DNAJB6: variants seen among roughly 807,000 people sequenced by gnomAD.
DNAJB6 encodes dnaJ homolog subfamily B member 6.
A neutral mutation model predicts 42.7 loss-of-function variants in DNAJB6; 16 were observed. The ratio of observed to expected loss-of-function variants is 0.37; its 90% CI spans 0.25 to 0.57. The LOEUF (loss-of-function observed/expected upper bound fraction) is 0.57, where lower values mean the gene tolerates loss of function less well. Ranked by LOEUF, DNAJB6 falls within the 20% of genes least tolerant of loss-of-function variation. DNAJB6 has a pLI of 0.74. For missense variants in DNAJB6, 347 were observed against 416.8 expected (o/e 0.83, Z 1.46); for synonymous variants, 170 against 163.5 (o/e 1.04, Z -0.30).
intron 5 of DNAJB6, chr7:157,380,593 G>A (rs1484102785): frequency 6.6e-6 from 1 of 152,444 alleles, no homozygotes; most frequent in Non-Finnish European, 1.5e-5. Context: ...CCTCCTCTAG[G>A]TCTCCACCTC....
chr7:157,340,074 G>A (rs1295819710), intron 1 of DNAJB6: 4 of 152,226 alleles, frequency 2.6e-5, no homozygotes, highest in Non-Finnish European at 5.9e-5. Context: ...TTCTATATTG[G>A]TTAATGCTTA....
chr7:157,364,063 C>T (rs1286193097), intron 3 of DNAJB6, among the ~76,000 whole-genome samples: 2 of 151,858 alleles, frequency 1.3e-5, no homozygotes, highest in African/African-American at 2.4e-5. Context: ...AGTGTATCTG[C>T]ATGTGGTCAG....
intron 8 of DNAJB6, among the ~76,000 whole-genome samples, chr7:157,397,117 C>T (rs781741609): frequency 3.1e-4 from 47 of 152,308 alleles, no homozygotes; most frequent in African/African-American, 1.0e-3. Flanking sequence ...GATGCTGTGC[C>T]GTGGCTGCCC....
Position 157,385,964 on chromosome 7 carries a change from G to T in DNAJB6, c.691+353G>T, listed in dbSNP as rs1801036718. On this transcript the variant is annotated intron_variant, in intron 8 of 9. Coordinates refer to ENST00000262177, the MANE Select transcript of DNAJB6 (RefSeq NM_058246.4). The stretch of plus-strand genomic sequence containing the variant: ...CAAGATTGTACACTAACACCAGCAT[G>T]GACCTGCTTTTCATTGTGTCTGAAA... 5 of 895,526 alleles carry T rather than the reference G, an allele frequency of 5.6e-6. No homozygotes were observed. The South Asian group carries it at 2.4e-4, about 42-fold the overall frequency. The allele number at this position is 895,526 out of a possible 1,614,324, so 55.5% of individuals were successfully genotyped here.
At chr7:157,367,526 CA>C (rs749671540) in intron 5 of DNAJB6, 43 bp downstream of exon 5, 8 of 1,147,744 alleles carry the variant, frequency 7.0e-6, no homozygotes, top group Non-Finnish European at 9.3e-6. Flanking sequence ...GTCCATGACC[CA>C]AATGAGGGCT....
rs184377578 is a variant in DNAJB6 at position 157,370,549 on chromosome 7, A to G, written c.346+3066A>G. Among the ~76,000 whole-genome samples, 163 of 152,356 alleles carry G rather than the reference A, an allele frequency of 1.1e-3. 2 individuals carry two copies. In the South Asian group the frequency reaches 0.017, roughly 16 times the overall value. On this transcript the variant is annotated intron_variant, in intron 5 of 9. Transcript: ENST00000262177. The stretch of plus-strand genomic sequence containing the variant: ...GGAAAATAATCTGATACACCAAGCC[A>G]TAGAGCAATTACTTGTAAAGAAGGT...
At chr7:157,343,135 A>G (rs917857561) in intron 1 of DNAJB6, among the ~76,000 whole-genome samples, 5 of 150,592 alleles carry the variant, frequency 3.3e-5, no homozygotes, top group African/African-American at 1.2e-4. Flanking sequence ...AGCTGGGATT[A>G]CAGATGTGCA....
chr7:157,367,294 T>A (rs931460648), intron 4 of DNAJB6, 79 bp from the exon 5 acceptor site: 1 of 949,858 alleles, frequency 1.1e-6, no homozygotes, highest in African/African-American at 1.6e-5. Flanking sequence ...ATGATTTGTA[T>A]AATGTTTTGT....
chr7:157,399,772 A>G (rs1801762299), intron 8 of DNAJB6, among the ~76,000 whole-genome samples: 2 of 152,042 alleles, frequency 1.3e-5, no homozygotes, highest in Admixed American at 6.5e-5. Context: ...GGGTTCAAGC[A>G]ATTCTCCTGC....
At chr7:157,378,884 TA>T (rs1346714338) in intron 5 of DNAJB6, 2 of 152,218 alleles carry the variant, frequency 1.3e-5, no homozygotes, top group East Asian at 3.8e-4. Flanking sequence ...AACTGGTCTT[TA>T]AATATTATAA....
chr7:157,407,955 CTG>C (rs1036133411), intron 8 of DNAJB6, among the ~76,000 whole-genome samples: 1 of 152,126 alleles, frequency 6.6e-6, no homozygotes, highest in African/African-American at 2.4e-5. Flanking sequence ...TCAGGAAGTG[CTG>C]TGTGTGCATG....
chr7:157,346,790 C>A (rs1175415678), intron 1 of DNAJB6, among the ~76,000 whole-genome samples: 2 of 152,356 alleles, frequency 1.3e-5, no homozygotes, highest in South Asian at 2.1e-4. Flanking sequence ...ATCAGCACTT[C>A]AGCCAGCTCT....
intron 8 of DNAJB6, among the ~76,000 whole-genome samples, chr7:157,404,293 TTC>T (rs1491056289): frequency 6.7e-6 from 1 of 149,034 alleles, no homozygotes; most frequent in Non-Finnish European, 1.5e-5. Context: ...AGTTTTTTTT[TTC>T]TTTTTCTTTT....
chr7:157,363,309 A>G, intron 3 of DNAJB6, 39 bp downstream of exon 3: 1 of 1,409,454 alleles, frequency 7.1e-7, no homozygotes. Flanking sequence ...CTGAGCGGGC[A>G]TGCCGGAATG....
intron 1 of DNAJB6, among the ~76,000 whole-genome samples, chr7:157,340,525 A>G (rs1055118297): frequency 6.7e-6 from 1 of 148,432 alleles, no homozygotes; most frequent in Non-Finnish European, 1.5e-5. Context: ...GTCAACTAGT[A>G]AAAATGTGAT....
At chr7:157,369,742 CAGGCCCCTTCTTAACATT>C (rs1800044200) in intron 5 of DNAJB6, among the ~76,000 whole-genome samples, 3 of 131,988 alleles carry the variant, frequency 2.3e-5, no homozygotes, top group Non-Finnish European at 3.3e-5. Context: ...TATTATTAAA[CAGGCCCCTTCTTAACATT>C]ATTATTAAAC....
chr7:157,361,720 CTAAT>C (rs1459244127), intron 2 of DNAJB6, among the ~76,000 whole-genome samples: 1 of 151,710 alleles, frequency 6.6e-6, no homozygotes, highest in Admixed American at 6.6e-5. Flanking sequence ...TTAGGTTTTG[CTAAT>C]TAGACTAGAG....
chr7:157,382,422 A>G, intron 6 of DNAJB6, 45 bp downstream of exon 6: 1 of 1,555,778 alleles, frequency 6.4e-7, no homozygotes, highest in Admixed American at 2.1e-5. Context: ...AACAGCAGTT[A>G]GTACTTATAA....
intron 8 of DNAJB6, among the ~76,000 whole-genome samples, chr7:157,398,068 C>A (rs1030802322): frequency 6.6e-6 from 1 of 152,214 alleles, no homozygotes; most frequent in Admixed American, 6.5e-5. Flanking sequence ...TGTTTGAAGC[C>A]GGGTTCCTAG....
Sources: gnomAD v4.1 joint callset for allele counts (sites outside exome capture counted in the v4.1 genomes callset) on GRCh38, gnomAD v4.1.1 for gene constraint, MANE v1.5 for transcripts, NCBI Gene and HGNC (gene_info 2026-07-23, HGNC 2026-07-21) for gene names.